The following RICTOR variants were observed in gnomAD, a reference collection of about 807,000 sequenced individuals.
RICTOR encodes rapamycin-insensitive companion of mTOR.
In RICTOR, 49 loss-of-function variants were observed where a neutral mutation model predicts 214.9. That is an observed-to-expected ratio of 0.23 (90% CI 0.18 to 0.29). The LOEUF (loss-of-function observed/expected upper bound fraction) is 0.29, where lower values mean the gene tolerates loss of function less well. RICTOR is among the 10% of genes least tolerant of loss of function. The probability of loss-of-function intolerance (pLI) is 1.00; values close to 1 mark genes in which losing one functional copy is unlikely to be tolerated. For synonymous variants in RICTOR, 717 were observed against 711.3 expected (o/e 1.01, Z -0.13); for missense variants, 1,625 against 2,047.0 (o/e 0.79, Z 3.98).
intron 10 of RICTOR, among the ~76,000 whole-genome samples, chr5:38,974,642 G>A (rs78573433): frequency 2.0e-5 from 3 of 152,152 alleles, no homozygotes; most frequent in Non-Finnish European, 2.9e-5. Flanking sequence ...TATGACTGTT[G>A]AGTCATCATA....
At chr5:38,951,928 G>A (rs1000611745) in intron 30 of RICTOR, among the ~76,000 whole-genome samples, 1 of 151,892 alleles carries the variant, frequency 6.6e-6, no homozygotes, top group Non-Finnish European at 1.5e-5. Context: ...GTCAAAAAAA[G>A]GAGGACTGGT....
At chr5:38,982,706 C>G (rs1751817432) in intron 7 of RICTOR, among the ~76,000 whole-genome samples, 1 of 151,890 alleles carries the variant, frequency 6.6e-6, no homozygotes. Flanking sequence ...GTCAGCAACT[C>G]TTGATTCTCT....
At chr5:39,055,427 C>T (rs928893670) in intron 2 of RICTOR, among the ~76,000 whole-genome samples, 1 of 128,688 alleles carries the variant, frequency 7.8e-6, no homozygotes, top group Non-Finnish European at 1.6e-5. Flanking sequence ...TCCCCCCCCC[C>T]ACTCTTTTTC....
At chr5:39,034,837 C>T (rs982945295) in intron 2 of RICTOR, among the ~76,000 whole-genome samples, 6 of 152,220 alleles carry the variant, frequency 3.9e-5, no homozygotes, top group African/African-American at 1.4e-4. Flanking sequence ...CTGGGTGGAG[C>T]CCACCGCAGC....
chr5:38,948,582 A>G (rs1271635211), intron 31 of RICTOR, among the ~76,000 whole-genome samples: 2 of 152,070 alleles, frequency 1.3e-5, no homozygotes, highest in Non-Finnish European at 2.9e-5. Context: ...AACAATACAA[A>G]AGTTTACAAC....
intron 10 of RICTOR, among the ~76,000 whole-genome samples, chr5:38,974,076 G>A (rs1328534489): frequency 6.6e-6 from 1 of 151,704 alleles, no homozygotes; most frequent in Non-Finnish European, 1.5e-5. Flanking sequence ...TTGAGACAGA[G>A]TCTCGCTCTA....
At chr5:38,974,428 G>C (rs1187568023) in intron 10 of RICTOR, among the ~76,000 whole-genome samples, 1 of 152,080 alleles carries the variant, frequency 6.6e-6, no homozygotes, top group African/African-American at 2.4e-5. Flanking sequence ...AAGACTGGCA[G>C]AAACAGACAT....
intron 5 of RICTOR, among the ~76,000 whole-genome samples, chr5:38,997,934 CA>C (rs1753297682): frequency 6.6e-6 from 1 of 152,202 alleles, no homozygotes; most frequent in Admixed American, 6.5e-5. Flanking sequence ...CTAAAATCTG[CA>C]TGCAGTGTTC....
At chr5:39,034,402 G>A (rs761931927) in intron 2 of RICTOR, among the ~76,000 whole-genome samples, 2 of 152,214 alleles carry the variant, frequency 1.3e-5, no homozygotes, top group Non-Finnish European at 2.9e-5. Context: ...TGCAGAAGAT[G>A]GGTGATTTCT....
rs755315535 is a variant in RICTOR, at chr5:38,962,463, ACCAT to A, written c.1668+18_1668+21del. ...ATAATAAAATTAAAGACAAGCCATT[ACCAT>A]GAAGTATCTTTTCATACCTTAAGAA... On this transcript the variant is annotated intron_variant, in intron 18 of 37. Transcript: ENST00000357387. 1 of 1,293,518 alleles carries A rather than the reference ACCAT, an allele frequency of 7.7e-7. No individual in the cohort carries two copies. The highest frequency in any genetic ancestry group is 1.1e-6 in the Non-Finnish European group (1 of 912,548). The allele number at this position is 1,293,518 out of a possible 1,614,324, so 80.1% of individuals were successfully genotyped here.
intron 8 of RICTOR, among the ~76,000 whole-genome samples, chr5:38,980,250 T>C (rs1390683300): frequency 6.6e-6 from 1 of 152,166 alleles, no homozygotes; most frequent in Non-Finnish European, 1.5e-5. Context: ...TTTTTTTCTT[T>C]TGGGTTTTCA....
At chr5:38,998,468 T>C (rs919376661) in intron 5 of RICTOR, among the ~76,000 whole-genome samples, 1 of 152,276 alleles carries the variant, frequency 6.6e-6, no homozygotes, top group Admixed American at 6.5e-5. Context: ...ATTACAGGCA[T>C]GAGCCACCAA....
intron 2 of RICTOR, among the ~76,000 whole-genome samples, chr5:39,073,655 C>T (rs766641979): frequency 9.2e-5 from 14 of 152,202 alleles, no homozygotes; most frequent in Non-Finnish European, 1.8e-4. Context: ...CGGCAAGCAC[C>T]GAGCAGGTCC....
At chr5:39,015,251 G>T (rs1239269) in intron 3 of RICTOR, among the ~76,000 whole-genome samples, 37,053 of 151,850 alleles carry the variant, frequency 0.24, 5,117 homozygotes, top group African/African-American at 0.37. Flanking sequence ...CTCAGAAATT[G>T]CTGAGAATTC....
chr5:39,058,342 A>C (rs1758325716), intron 2 of RICTOR, among the ~76,000 whole-genome samples: 1 of 152,110 alleles, frequency 6.6e-6, no homozygotes, highest in African/African-American at 2.4e-5. Context: ...CAAAATAGAA[A>C]CAGAAAGCAA....
chr5:39,031,892 G>GA (rs1354841204), intron 2 of RICTOR, among the ~76,000 whole-genome samples: 1 of 152,146 alleles, frequency 6.6e-6, no homozygotes, highest in Non-Finnish European at 1.5e-5. Context: ...GCAAAAGCCA[G>GA]AAGCAAAACT....
chr5:38,960,055 CA>C, intron 20 of RICTOR, 77 bp from the exon 21 acceptor site: 1 of 984,732 alleles, frequency 1.0e-6, no homozygotes, highest in South Asian at 1.3e-5. Flanking sequence ...CAATCAAGTA[CA>C]AAAACTTACT....
intron 3 of RICTOR, among the ~76,000 whole-genome samples, chr5:39,009,240 C>T (rs1754306120): frequency 6.6e-6 from 1 of 152,060 alleles, no homozygotes; most frequent in African/African-American, 2.4e-5. Context: ...ACTATAGATT[C>T]AGAGAACACA....
At chr5:38,956,763 A>G (rs537992158) in intron 25 of RICTOR, among the ~76,000 whole-genome samples, 3 of 152,290 alleles carry the variant, frequency 2.0e-5, no homozygotes, top group Non-Finnish European at 4.4e-5. Flanking sequence ...TGATTTGTAT[A>G]ATAAATTTTA....
Sources: allele counts gnomAD v4.1 joint callset (sites outside exome capture counted in the v4.1 genomes callset), GRCh38; gene constraint gnomAD v4.1.1; transcripts MANE v1.5; gene names NCBI Gene and HGNC (gene_info 2026-07-23, HGNC 2026-07-21).